MEF2A: variants seen among roughly 807,000 people sequenced by gnomAD.
MEF2A encodes myocyte-specific enhancer factor 2A.
Under a neutral mutation model 55.8 loss-of-function variants are expected in MEF2A, and 28 were observed. That is an observed-to-expected ratio of 0.50 (90% confidence interval 0.37 to 0.69). The LOEUF (loss-of-function observed/expected upper bound fraction) is 0.69. MEF2A is among the 30% of genes least tolerant of loss of function. MEF2A has a pLI of 0.00. For synonymous variants in MEF2A, 239 were observed against 227.1 expected, an observed-to-expected ratio of 1.05 and a Z score of -0.47; for missense variants, 528 against 626.2, an observed-to-expected ratio of 0.84 and a Z score of 1.67.
chr15:99,710,540 G>C, intron 10 of MEF2A, 94 bp from the exon 11 acceptor site: 1 of 1,495,240 alleles, frequency 6.7e-7, no homozygotes, highest in Admixed American at 1.8e-5. Flanking sequence ...AGCATGGCTG[G>C]CCTCAATGTA....
chr15:99,609,086 T>TACA (rs759931696), intron 2 of MEF2A, among the ~76,000 whole-genome samples: 2 of 152,174 alleles, frequency 1.3e-5, no homozygotes, highest in Non-Finnish European at 2.9e-5. Flanking sequence ...TGGCTTCTGC[T>TACA]ACAGTTAAGG....
At chr15:99,693,997 C>T (rs181725027) in intron 8 of MEF2A, among the ~76,000 whole-genome samples, 91 of 152,328 alleles carry the variant, frequency 6.0e-4, no homozygotes, top group African/African-American at 2.1e-3. Flanking sequence ...TGAACCACTA[C>T]TGATACGTTA....
intron 2 of MEF2A, among the ~76,000 whole-genome samples, chr15:99,604,572 GTTAACT>G (rs1284914633): frequency 6.6e-6 from 1 of 151,312 alleles, no homozygotes; most frequent in African/African-American, 2.4e-5. Flanking sequence ...TGTCAGTTCT[GTTAACT>G]TTATCATTTT....
chr15:99,579,183 G>A (rs1965203195), intron 1 of MEF2A, among the ~76,000 whole-genome samples: 1 of 151,870 alleles, frequency 6.6e-6, no homozygotes, highest in Non-Finnish European at 1.5e-5. Flanking sequence ...ATTGCTCTTT[G>A]TATTTTGTCC....
intron 1 of MEF2A, among the ~76,000 whole-genome samples, chr15:99,591,780 C>T (rs1365050395): frequency 6.6e-6 from 1 of 151,982 alleles, no homozygotes; most frequent in African/African-American, 2.4e-5. Context: ...TAATTCCATC[C>T]AGTTACTTTT....
intron 11 of MEF2A, among the ~76,000 whole-genome samples, chr15:99,711,299 A>G (rs2058614754): frequency 6.6e-6 from 1 of 152,208 alleles, no homozygotes; most frequent in South Asian, 2.1e-4. Flanking sequence ...AGGGTGTCTT[A>G]TATATCAGTC....
chr15:99,696,330 A>T (rs936575441), intron 8 of MEF2A, among the ~76,000 whole-genome samples: 2 of 152,228 alleles, frequency 1.3e-5, no homozygotes, highest in African/African-American at 2.4e-5. Context: ...TGCACATGGA[A>T]CATTCACCAA....
chr15:99,671,762 G>A, intron 5 of MEF2A: 4 of 1,174,314 alleles, frequency 3.4e-6, no homozygotes, highest in Non-Finnish European at 3.4e-6. Context: ...ATAAGTAGAA[G>A]GGAAGAAATG....
intron 1 of MEF2A, among the ~76,000 whole-genome samples, chr15:99,583,660 C>T (rs1386045326): frequency 1.3e-5 from 2 of 152,062 alleles, no homozygotes; most frequent in East Asian, 3.9e-4. Context: ...GTCACATCCT[C>T]AATCTGAAGA....
rs184611590 is a variant in MEF2A, at chr15:99,572,385, C to T, written c.-225+6281C>T. ...CACTCAGAGGCCTAATCTGACCATC[C>T]TATTTAATATTGCAGTCTGTCATTT... On this transcript the variant is annotated intron_variant, in intron 1 of 11. Coordinates refer to ENST00000557942, the MANE Select transcript of MEF2A (RefSeq NM_001319206.4). 8.1e-3 allele frequency among the ~76,000 whole-genome samples: 1,234 copies of T among 152,316 alleles called. 14 individuals are homozygous for T. The highest frequency in any genetic ancestry group is 0.027 in the Middle Eastern group (8 of 294).
At chr15:99,652,808 G>A (rs1000349637) in intron 4 of MEF2A, among the ~76,000 whole-genome samples, 2 of 152,138 alleles carry the variant, frequency 1.3e-5, no homozygotes, top group African/African-American at 4.8e-5. Flanking sequence ...AGGAAAAGAG[G>A]TAAAAATATT....
At chr15:99,580,766 T>C (rs1042540999) in intron 1 of MEF2A, among the ~76,000 whole-genome samples, 3 of 152,250 alleles carry the variant, frequency 2.0e-5, no homozygotes, top group African/African-American at 7.2e-5. Context: ...ATAAGATGTT[T>C]TCTGAAAAGG....
At chr15:99,625,074 T>C (rs914075495) in intron 2 of MEF2A, among the ~76,000 whole-genome samples, 2 of 152,176 alleles carry the variant, frequency 1.3e-5, no homozygotes, top group African/African-American at 2.4e-5. Flanking sequence ...ACGTTTAAGA[T>C]AGGATAGGCT....
chr15:99,671,194 A>C, intron 4 of MEF2A, 129 bp from the exon 5 acceptor site: 1 of 919,366 alleles, frequency 1.1e-6, no homozygotes, highest in East Asian at 2.5e-5. Flanking sequence ...ATTTGTGATC[A>C]TTTAGAAACC....
chr15:99,567,738 A>G (rs946190152), intron 1 of MEF2A, among the ~76,000 whole-genome samples: 4 of 151,258 alleles, frequency 2.6e-5, no homozygotes, highest in African/African-American at 9.7e-5. Context: ...AAGAGTTTTC[A>G]CTAAAGCAGA....
At chr15:99,576,837 C>T (rs183066002) in intron 1 of MEF2A, among the ~76,000 whole-genome samples, 52 of 152,036 alleles carry the variant, frequency 3.4e-4, no homozygotes, top group African/African-American at 1.2e-3. Flanking sequence ...TTAGTAGAGA[C>T]GGGGTTTCAC....
chr15:99,570,174 A>G (rs983406523), intron 1 of MEF2A, among the ~76,000 whole-genome samples: 1 of 152,196 alleles, frequency 6.6e-6, no homozygotes. Context: ...ACATTGGTGT[A>G]TGAAGGCAGG....
intron 2 of MEF2A, among the ~76,000 whole-genome samples, chr15:99,610,946 T>C (rs1977029531): frequency 6.6e-6 from 1 of 152,228 alleles, no homozygotes; most frequent in African/African-American, 2.4e-5. Context: ...CTAGGGACAC[T>C]ATCAAGGAAA....
intron 4 of MEF2A, among the ~76,000 whole-genome samples, chr15:99,650,154 C>T (rs927459729): frequency 6.6e-6 from 1 of 152,118 alleles, no homozygotes; most frequent in Non-Finnish European, 1.5e-5. Flanking sequence ...ATTTAAGCTT[C>T]ATATTCAAGG....
Sources: allele counts gnomAD v4.1 joint callset (sites outside exome capture counted in the v4.1 genomes callset), GRCh38; gene constraint gnomAD v4.1.1; transcripts MANE v1.5; gene names NCBI Gene and HGNC (gene_info 2026-07-23, HGNC 2026-07-21).